PSMC6: variants seen among roughly 807,000 people sequenced by gnomAD.
PSMC6 encodes 26S proteasome regulatory subunit 10B.
PSMC6 carries 3 observed loss-of-function variants against 55.9 expected under a neutral mutation model. The observed-to-expected ratio is 0.05, with a 90% CI of 0.02 to 0.14. The LOEUF (loss-of-function observed/expected upper bound fraction) is 0.14, where lower values mean the gene tolerates loss of function less well. Ranked by LOEUF, PSMC6 falls within the 10% of genes least tolerant of loss-of-function variation. The probability of loss-of-function intolerance (pLI) is 1.00; values close to 1 mark genes in which losing one functional copy is unlikely to be tolerated. For missense variants in PSMC6, 210 were observed against 478.7 expected (o/e 0.44, Z 5.24); for synonymous variants, 137 against 155.9 (o/e 0.88, Z 0.90).
chr14:52,713,014 C>A (rs2041791358), intron 6 of PSMC6, among the ~76,000 whole-genome samples: 1 of 152,092 alleles, frequency 6.6e-6, no homozygotes, highest in Admixed American at 6.5e-5. Context: ...GGTGGATCAT[C>A]TGAGGTCAGG....
intron 4 of PSMC6, among the ~76,000 whole-genome samples, chr14:52,709,299 C>G (rs368433792): frequency 1.3e-5 from 2 of 152,276 alleles, no homozygotes; most frequent in East Asian, 3.9e-4. Flanking sequence ...CAAATGACCT[C>G]AAGTCATTCA....
chr14:52,713,872 C>G lies in PSMC6; in HGVS notation c.442-9C>G, dbSNP rs1028775305. 6.5e-7 allele frequency: 1 copy of G among 1,537,826 alleles called. No homozygotes were observed. Among genetic ancestry groups the G allele is most frequent in the Non-Finnish European group, 8.9e-7 (1 of 1,124,850 alleles). ...TAACTTTTTAAGAAAGATTTAACTT[C>G]TTTTCTAGGTGATAGAATTACCTCT... On this transcript the variant is annotated splice_polypyrimidine_tract_variant and intron_variant, in intron 6 of 13. Transcript: ENST00000445930.
intron 10 of PSMC6, among the ~76,000 whole-genome samples, chr14:52,720,467 G>A (rs1037278803): frequency 6.8e-6 from 1 of 147,558 alleles, no homozygotes; most frequent in Non-Finnish European, 1.5e-5. Flanking sequence ...TGTTATGTCT[G>A]ACATATCATA....
chr14:52,725,892 A>T (rs1204447747), intron 13 of PSMC6, among the ~76,000 whole-genome samples: 1 of 152,272 alleles, frequency 6.6e-6, no homozygotes, highest in African/African-American at 2.4e-5. Context: ...TACAAAAATA[A>T]CTTACCTAGT....
chr14:52,709,377 T>C (rs1168575374), intron 4 of PSMC6, among the ~76,000 whole-genome samples: 1 of 152,260 alleles, frequency 6.6e-6, no homozygotes, highest in Non-Finnish European at 1.5e-5. Flanking sequence ...TTTAAATTCA[T>C]TGGAAGAGTT....
At chr14:52,713,762 T>A (rs2041800142) in intron 6 of PSMC6, 119 bp from the exon 7 acceptor site, 4 of 572,306 alleles carry the variant, frequency 7.0e-6, no homozygotes, top group Non-Finnish European at 1.2e-5. Context: ...CATGGAAGTC[T>A]AGGTCTATTA....
intron 7 of PSMC6, among the ~76,000 whole-genome samples, chr14:52,715,088 A>G (rs905104222): frequency 1.3e-5 from 2 of 151,796 alleles, no homozygotes; most frequent in Non-Finnish European, 2.9e-5. Flanking sequence ...AAACGGTGCT[A>G]GTTAGTAGCC....
chr14:52,712,689 C>T (rs1197174249), intron 6 of PSMC6, among the ~76,000 whole-genome samples: 1 of 151,904 alleles, frequency 6.6e-6, no homozygotes, highest in Non-Finnish European at 1.5e-5. Flanking sequence ...GTGGTGCAGT[C>T]TCAGCTCACT....
chr14:52,712,692 A>G (rs938291107), intron 6 of PSMC6, among the ~76,000 whole-genome samples: 2 of 151,738 alleles, frequency 1.3e-5, no homozygotes, highest in African/African-American at 4.8e-5. Context: ...GTGCAGTCTC[A>G]GCTCACTGCA....
chr14:52,721,808 C>G (rs2041893873), intron 12 of PSMC6: 1 of 152,808 alleles, frequency 6.5e-6, no homozygotes, highest in Non-Finnish European at 1.5e-5. Flanking sequence ...CACTCTTGCC[C>G]AGGCTGGAGT....
Position 52,711,478 on chromosome 14 carries a change from A to T in PSMC6, c.395A>T (p.Tyr132Phe), listed in dbSNP as rs1351487758. ...CATGAGGACCCTGGGAATGTTTCTT[A>T]TTCTGAGATTGGAGGGCTATCAGAA... ...MSHEDPGNVS[Y>F]SEIGGLSEQI... Residue 132 changes from tyrosine (Y) to phenylalanine (F), a missense_variant, in exon 6 of 14, where the codon TAT becomes TTT. Physicochemically the swap from Tyr to Phe is conservative, Grantham distance 22. Transcript: ENST00000445930. The T allele has an allele frequency of 5.6e-6, 9 of 1,613,092 alleles. No homozygotes were observed. The highest frequency in any genetic ancestry group is 7.6e-6 in the Non-Finnish European group (9 of 1,179,330).
chr14:52,709,233 G>A, intron 4 of PSMC6: 1 of 202,638 alleles, frequency 4.9e-6, no homozygotes, highest in South Asian at 7.2e-5. Flanking sequence ...TTTAGATTAG[G>A]GTAGGGCAAG....
At chr14:52,718,837 TCTAA>T in intron 9 of PSMC6, 136 bp from the exon 10 acceptor site, 1 of 665,240 alleles carries the variant, frequency 1.5e-6, no homozygotes, top group East Asian at 2.8e-5. Context: ...CAAAATCAAG[TCTAA>T]CTTTGTCAGC....
At chr14:52,714,438 A>G (rs532831698) in intron 7 of PSMC6, among the ~76,000 whole-genome samples, 2 of 152,320 alleles carry the variant, frequency 1.3e-5, no homozygotes, top group African/African-American at 4.8e-5. Context: ...AGGCATGCTT[A>G]GTGCATTTGT....
chr14:52,720,075 T>A (rs1296506089), intron 10 of PSMC6, among the ~76,000 whole-genome samples: 2 of 151,666 alleles, frequency 1.3e-5, no homozygotes, highest in Non-Finnish European at 2.9e-5. Context: ...ATACAAAAAT[T>A]AGCTGGGCGT....
chr14:52,711,369 A>G lies in PSMC6; in HGVS notation c.327-41A>G, dbSNP rs553609089. ...TATGCTATCTGTAGGCTAAGAGAAA[A>G]TATATCTTTCAAAAGAAAAATACAT... On this transcript the variant is annotated intron_variant, in intron 5 of 13. Transcript: ENST00000445930. 7 of 1,510,560 alleles carry G rather than the reference A, an allele frequency of 4.6e-6. No individual in the cohort carries two copies. The African/African-American group carries it at 9.7e-5, about 21-fold the overall frequency. 93.6% of individuals were successfully genotyped at this position (1,510,560 alleles called of 1,614,324 possible). A position where few individuals can be genotyped will look rare whatever the true frequency, so the allele number is the denominator to read the frequency against.
rs1880306191 is a variant in PSMC6 at position 52,723,999 on chromosome 14, T to C, written c.1014T>C (p.Phe338=). ...CAATTGTGAAGCTTTCGGATGGCTT[T>C]AATGGAGCAGATCTGAGAAATGTTT... ...YEAIVKLSDG[F]NGADLRNVCT... is the part of the protein sequence containing the mutation. Residue 338 remains phenylalanine (F), a synonymous_variant, in exon 13 of 14, where the codon TTT becomes TTC. Transcript: ENST00000445930. 2 of 1,613,864 alleles carry C rather than the reference T, an allele frequency of 1.2e-6. No homozygotes were observed. Among genetic ancestry groups the C allele is most frequent in the African/African-American group, 1.3e-5 (1 of 74,940 alleles).
At chr14:52,714,084 A>G in intron 7 of PSMC6, 116 bp downstream of exon 7, 1 of 650,534 alleles carries the variant, frequency 1.5e-6, no homozygotes, top group Non-Finnish European at 2.5e-6. Flanking sequence ...TCTGTTGCCC[A>G]GGCTGTAGTG....
chr14:52,723,890 T>G, intron 12 of PSMC6, 75 bp from the exon 13 acceptor site: 2 of 1,577,030 alleles, frequency 1.3e-6, no homozygotes, highest in Non-Finnish European at 1.7e-6. Context: ...CTCTTCAGTT[T>G]AAATTTTCGA....
Sources: allele counts gnomAD v4.1 joint callset (sites outside exome capture counted in the v4.1 genomes callset), GRCh38; gene constraint gnomAD v4.1.1; transcripts MANE v1.5; gene names NCBI Gene and HGNC (gene_info 2026-07-23, HGNC 2026-07-21).